POU2AF2: variants seen among roughly 807,000 people sequenced by gnomAD.
POU2AF2 encodes POU domain class 2-associating factor 2.
the POU2AF2 span, among the ~76,000 whole-genome samples, chr11:111,268,481 TATTTTATTTTATTTTA>T: frequency 0.23 from 23,854 of 102,926 alleles, 4,549 homozygotes; most frequent in South Asian, 0.45. Context: ...TTTCTTTTTT[TATTTTATTTTATTTTA>T]TTTTATTTTA....
At chr11:111,273,018 A>C in the POU2AF2 span, among the ~76,000 whole-genome samples, 1 of 152,214 alleles carries the variant, frequency 6.6e-6, no homozygotes, top group East Asian at 1.9e-4. Flanking sequence ...TATTCATTAT[A>C]GAGTATTTTT....
the POU2AF2 span, among the ~76,000 whole-genome samples, chr11:111,271,411 ATTTCTTTTTTTTCT>A: frequency 1.3e-5 from 2 of 151,750 alleles, no homozygotes; most frequent in Admixed American, 6.6e-5. Flanking sequence ...ACTCTTTTTT[ATTTCTTTTTTTTCT>A]TTTCTTTTTT....
At chr11:111,281,049 T>G in the POU2AF2 span, among the ~76,000 whole-genome samples, 1 of 152,114 alleles carries the variant, frequency 6.6e-6, no homozygotes, top group Admixed American at 6.5e-5. Context: ...ATATCCCTCG[T>G]GGGTAAGGGG....
At chr11:111,261,741 T>C in the POU2AF2 span, among the ~76,000 whole-genome samples, 1 of 152,224 alleles carries the variant, frequency 6.6e-6, no homozygotes, top group African/African-American at 2.4e-5. Flanking sequence ...ACAGCTCTTT[T>C]GCTCGGCTCA....
chr11:111,282,189 G>A, the POU2AF2 span, among the ~76,000 whole-genome samples: 33 of 152,302 alleles, frequency 2.2e-4, no homozygotes, highest in African/African-American at 7.9e-4. Context: ...TGCTAAGAGA[G>A]CAGAGGCTTT....
the POU2AF2 span, among the ~76,000 whole-genome samples, chr11:111,247,189 C>CAGAGAGAGAGAGAGAGAGAGAGAG: frequency 4.1e-4 from 14 of 34,412 alleles, no homozygotes; most frequent in South Asian, 3.1e-3. Context: ...CATACACACA[C>CAGAGAGAGAGAGAGAGAGAGAGAG]ACAGAGAGAG....
the POU2AF2 span, among the ~76,000 whole-genome samples, chr11:111,253,143 T>C: frequency 6.6e-6 from 1 of 152,220 alleles, no homozygotes; most frequent in African/African-American, 2.4e-5. Context: ...ATCTTCTTCA[T>C]AGGGTTCTCC....
the POU2AF2 span, among the ~76,000 whole-genome samples, chr11:111,264,731 GAGAA>G: frequency 3.5e-5 from 5 of 144,622 alleles, no homozygotes; most frequent in Non-Finnish European, 7.5e-5. Context: ...AAGAAAGAAA[GAGAA>G]AGAAAGGAAG....
the POU2AF2 span, among the ~76,000 whole-genome samples, chr11:111,280,671 T>A: frequency 2.6e-5 from 4 of 152,182 alleles, no homozygotes; most frequent in Non-Finnish European, 5.9e-5. Flanking sequence ...TTATTGTATT[T>A]CACAATGGCC....
At chr11:111,272,354 C>T in the POU2AF2 span, among the ~76,000 whole-genome samples, 1 of 152,184 alleles carries the variant, frequency 6.6e-6, no homozygotes, top group Non-Finnish European at 1.5e-5. Flanking sequence ...CACTTAGCAG[C>T]TTTGTGACCT....
chr11:111,272,272 C>T, the POU2AF2 span, among the ~76,000 whole-genome samples: 2 of 152,156 alleles, frequency 1.3e-5, no homozygotes, highest in Non-Finnish European at 2.9e-5. Context: ...ATCACCTCAT[C>T]ACCACCCCAA....
chr11:111,280,057 A>AAATATATATATATATATATATATATAT, the POU2AF2 span, among the ~76,000 whole-genome samples: 1 of 76,498 alleles, frequency 1.3e-5, no homozygotes, highest in Non-Finnish European at 2.5e-5. Context: ...AAAAAAAAAA[A>AAATATATATATATATATATATATATAT]ATATATATAT....
the POU2AF2 span, among the ~76,000 whole-genome samples, chr11:111,270,660 A>T: frequency 6.6e-6 from 1 of 152,178 alleles, no homozygotes; most frequent in East Asian, 1.9e-4. Flanking sequence ...ATATGTCAGT[A>T]TGAGGAAGAC....
At chr11:111,258,907 C>G in the POU2AF2 span, among the ~76,000 whole-genome samples, 2 of 152,152 alleles carry the variant, frequency 1.3e-5, no homozygotes, top group African/African-American at 4.8e-5. Flanking sequence ...TGAGGTCTTG[C>G]TATTGACCCA....
At chr11:111,264,958 A>G in the POU2AF2 span, among the ~76,000 whole-genome samples, 1 of 148,846 alleles carries the variant, frequency 6.7e-6, no homozygotes, top group African/African-American at 2.5e-5. Flanking sequence ...GAGGGAGAGG[A>G]AGGAAGGAAG....
the POU2AF2 span, among the ~76,000 whole-genome samples, chr11:111,256,769 AC>A: frequency 2.6e-5 from 4 of 152,166 alleles, no homozygotes. Context: ...GTGTGTCCTG[AC>A]TTTTTCATTT....
At chr11:111,268,651 A>T in the POU2AF2 span, among the ~76,000 whole-genome samples, 1 of 151,732 alleles carries the variant, frequency 6.6e-6, no homozygotes, top group Non-Finnish European at 1.5e-5. Flanking sequence ...CTCCTGTCTC[A>T]GGATCCCAAG....
At chr11:111,266,447 A>G in the POU2AF2 span, among the ~76,000 whole-genome samples, 2 of 152,152 alleles carry the variant, frequency 1.3e-5, no homozygotes. Context: ...ATTCAACTAG[A>G]GTTTTGCAAT....
the POU2AF2 span, chr11:111,245,966 C>T: frequency 2.5e-6 from 1 of 395,084 alleles, no homozygotes; most frequent in Non-Finnish European, 4.5e-6. Flanking sequence ...GGAGAAATCT[C>T]CTAACTCTGG....
Sources: allele counts gnomAD v4.1 joint callset (sites outside exome capture counted in the v4.1 genomes callset), GRCh38; gene constraint gnomAD v4.1.1; transcripts MANE v1.5; gene names NCBI Gene and HGNC (gene_info 2026-07-23, HGNC 2026-07-21).